The following CPNE1 variants were observed in gnomAD, a reference collection of about 807,000 sequenced individuals.
CPNE1 encodes the protein copine-1.
A neutral mutation model predicts 63.2 loss-of-function variants in CPNE1; 58 were observed. That is an observed-to-expected ratio of 0.92 (90% CI 0.74 to 1.14). CPNE1 has a LOEUF of 1.14. Among genes scored for constraint, CPNE1 ranks in the 50% most tolerant of loss-of-function variants. CPNE1 has a pLI of 0.00. For missense variants in CPNE1, 672 were observed against 661.7 expected (o/e 1.02, Z -0.17); for synonymous variants, 237 against 249.0 (o/e 0.95, Z 0.45).
Position 35,632,252 on chromosome 20 carries a change from C to T in CPNE1, c.385-18G>A, listed in dbSNP as rs762067243. 4 of 1,613,444 alleles carry T rather than the reference C, an allele frequency of 2.5e-6. No individual in the cohort carries two copies. The highest frequency in any genetic ancestry group is 2.2e-5 in the South Asian group (2 of 91,080). On this transcript the variant is annotated intron_variant, in intron 4 of 15. Transcript: ENST00000397443. ...GCTGAGACCTAGGTAGGGGAGACTACATCACCTCATGAATTCATTGATGTT... is the reference window on the plus strand; with the variant it reads ...GCTGAGACCTAGGTAGGGGAGACTATATCACCTCATGAATTCATTGATGTT...
chr20:35,630,630 C>A lies in CPNE1; in HGVS notation c.1050+111G>T. On this transcript the variant is annotated intron_variant, in intron 12 of 15. Coordinates refer to ENST00000397443, the MANE Select transcript of CPNE1 (RefSeq NM_152925.3). The stretch of plus-strand genomic sequence containing the variant: ...GTCTACGTGCCTGCAGGAATCCAAC[C>A]CTGCATCTCCTCTTAAAGCTGAGTG... 2.0e-6 allele frequency: 3 copies of A among 1,469,008 alleles called. No individual in the cohort carries two copies. The South Asian group carries it at 3.4e-5, about 17-fold the overall frequency. The allele number at this position is 1,469,008 out of a possible 1,614,324, so 91.0% of individuals were successfully genotyped here. A position where few individuals can be genotyped will look rare whatever the true frequency, so the allele number is the denominator to read the frequency against.
At chr20:35,659,405 A>G (rs941596334) in intron 1 of CPNE1, among the ~76,000 whole-genome samples, 1 of 152,214 alleles carries the variant, frequency 6.6e-6, no homozygotes, top group African/African-American at 2.4e-5. Context: ...TTTGTGATGA[A>G]AAGGCACAAG....
rs1404532675 is a variant in CPNE1, at chr20:35,631,794, A to T, written c.538-17T>A. On this transcript the variant is annotated splice_polypyrimidine_tract_variant and intron_variant, in intron 6 of 15. Transcript: ENST00000397443. ...CTTGATGACCTGAAGGTGGAGGCCA[A>T]GGCCTCCAGTGAGCTCTGGCATGGC... 3 of 1,596,100 alleles carry T rather than the reference A, an allele frequency of 1.9e-6. No individual in the cohort carries two copies. Among genetic ancestry groups the T allele is most frequent in the Admixed American group, 1.7e-5 (1 of 59,968 alleles).
At chr20:35,633,896 T>C (rs1318601199) in intron 1 of CPNE1, among the ~76,000 whole-genome samples, 4 of 127,784 alleles carry the variant, frequency 3.1e-5, no homozygotes, top group Non-Finnish European at 6.6e-5. Context: ...GAGGTGGAGG[T>C]TGCAGTGAGC....
chr20:35,642,885 A>G (rs2032890754), intron 1 of CPNE1, among the ~76,000 whole-genome samples: 1 of 152,216 alleles, frequency 6.6e-6, no homozygotes, highest in Admixed American at 6.5e-5. Context: ...TAACATGTGC[A>G]CACAAAAACT....
chr20:35,627,732 T>C (rs1246261136), intron 13 of CPNE1, among the ~76,000 whole-genome samples: 2 of 152,088 alleles, frequency 1.3e-5, no homozygotes, highest in East Asian at 1.9e-4. Context: ...ATCCGTACTA[T>C]GGATTAATTA....
chr20:35,654,861 G>A (rs773612655), intron 1 of CPNE1: 13 of 1,614,054 alleles, frequency 8.1e-6, no homozygotes, highest in East Asian at 2.2e-5. Context: ...CTGTTCCTAC[G>A]CTGGCTGTGG....
intron 13 of CPNE1, among the ~76,000 whole-genome samples, chr20:35,628,871 G>C (rs2031937272): frequency 6.6e-6 from 1 of 152,202 alleles, no homozygotes; most frequent in Non-Finnish European, 1.5e-5. Flanking sequence ...TTGATTTTAG[G>C]AGATACTGAA....
chr20:35,640,270 A>T (rs1256611824), intron 1 of CPNE1, among the ~76,000 whole-genome samples: 1 of 152,174 alleles, frequency 6.6e-6, no homozygotes, highest in East Asian at 1.9e-4. Flanking sequence ...TCTGCTTAGA[A>T]ATCTGTGATT....
At chr20:35,650,386 A>T (rs1248783348) in intron 1 of CPNE1, 1 of 152,546 alleles carries the variant, frequency 6.6e-6, no homozygotes, top group East Asian at 1.9e-4. Context: ...AATTGTGAAA[A>T]AAGATAAAAG....
At chr20:35,628,115 AC>A (rs1469012068) in intron 13 of CPNE1, among the ~76,000 whole-genome samples, 7 of 151,494 alleles carry the variant, frequency 4.6e-5, no homozygotes, top group African/African-American at 1.7e-4. Context: ...CCCCGTCTCT[AC>A]TAAAAATACA....
At position 35,638,412 on chromosome 20, in the gene CPNE1, C is replaced by T. The variant is rs1327071593; in HGVS notation, c.1-5489G>A. ...CAGAAATAAGCAAAGTGATCCACAGCGTTAATTATCAGGGAAATGAAAAAT... is the reference window on the plus strand; with the variant it reads ...CAGAAATAAGCAAAGTGATCCACAGTGTTAATTATCAGGGAAATGAAAAAT... On this transcript the variant is annotated intron_variant, in intron 1 of 15. Coordinates refer to ENST00000397443, the MANE Select transcript of CPNE1 (RefSeq NM_152925.3). Among the ~76,000 whole-genome samples, 3 of 152,224 alleles carry T rather than the reference C, an allele frequency of 2.0e-5. No homozygotes were observed. In the East Asian group the frequency reaches 5.8e-4, roughly 29 times the overall value.
chr20:35,653,590 A>G lies in CPNE1; in HGVS notation c.-1+11170T>C, dbSNP rs891882703. Reference sequence around the variant, plus strand: ...TCCTAGACCTTGCCCATTGTTATCAACAAGAACATGTACAGCATTTTCATC... The same window carrying G: ...TCCTAGACCTTGCCCATTGTTATCAGCAAGAACATGTACAGCATTTTCATC... On this transcript the variant is annotated intron_variant, in intron 1 of 15. Transcript: ENST00000397443. 1.9e-6 allele frequency: 3 copies of G among 1,614,118 alleles called. No individual in the cohort carries two copies. The highest frequency in any genetic ancestry group is 3.3e-5 in the Admixed American group (2 of 60,002).
intron 1 of CPNE1, chr20:35,654,995 T>C: frequency 1.2e-6 from 2 of 1,614,206 alleles, no homozygotes; most frequent in Non-Finnish European, 1.7e-6. Flanking sequence ...ATTCCTGAGC[T>C]AGGTGGTGGT....
At chr20:35,648,976 T>C (rs1032034254) in intron 1 of CPNE1, 3 of 152,680 alleles carry the variant, frequency 2.0e-5, no homozygotes, top group Non-Finnish European at 2.9e-5. Context: ...GACAAGTTTA[T>C]TGAACAGTAT....
At chr20:35,636,603 C>T (rs535632113) in intron 1 of CPNE1, among the ~76,000 whole-genome samples, 4 of 152,104 alleles carry the variant, frequency 2.6e-5, no homozygotes, top group Admixed American at 1.3e-4. Context: ...TCAAGACCAG[C>T]GTGGCCAACG....
At chr20:35,649,246 T>G (rs1907912239) in intron 1 of CPNE1, 1 of 152,238 alleles carries the variant, frequency 6.6e-6, no homozygotes, top group Non-Finnish European at 1.5e-5. Context: ...TTTACTCATT[T>G]CCCGAGTGTT....
At chr20:35,634,533 G>T (rs2032372381) in intron 1 of CPNE1, among the ~76,000 whole-genome samples, 1 of 151,872 alleles carries the variant, frequency 6.6e-6, no homozygotes, top group Non-Finnish European at 1.5e-5. Flanking sequence ...GGTGGAGGTT[G>T]AAGTAAGCCG....
chr20:35,646,875 T>C (rs2033134834), intron 1 of CPNE1, among the ~76,000 whole-genome samples: 1 of 152,210 alleles, frequency 6.6e-6, no homozygotes, highest in Admixed American at 6.5e-5. Context: ...GCAAAATGAC[T>C]TGAAACTAGT....
Sources: allele counts gnomAD v4.1 joint callset (sites outside exome capture counted in the v4.1 genomes callset), GRCh38; gene constraint gnomAD v4.1.1; transcripts MANE v1.5; gene names NCBI Gene and HGNC (gene_info 2026-07-23, HGNC 2026-07-21).